Variants in PRR11 observed in about 807,000 individuals in gnomAD.
PRR11 encodes the protein proline rich 11.
PRR11 carries 30 observed loss-of-function variants against 45.6 expected under a neutral mutation model. The observed-to-expected ratio is 0.66, with a 90% CI of 0.49 to 0.89. PRR11 has a LOEUF of 0.89. Among genes scored for constraint, PRR11 ranks in the 40% least tolerant of loss-of-function variants. The probability of loss-of-function intolerance (pLI) is 0.00; values close to 1 mark genes in which losing one functional copy is unlikely to be tolerated. For missense variants in PRR11, 373 were observed against 424.8 expected (o/e 0.88, Z 1.07); for synonymous variants, 128 against 153.5 (o/e 0.83, Z 1.23).
chr17:59,158,742 A>G (rs1035932645), intron 1 of PRR11, among the ~76,000 whole-genome samples: 1 of 152,216 alleles, frequency 6.6e-6, no homozygotes, highest in Non-Finnish European at 1.5e-5. Context: ...AAATGAAAAA[A>G]GTGAAGGCAA....
At chr17:59,193,409 G>A (rs1298362535) in intron 4 of PRR11, 83 bp from the exon 5 acceptor site, 16 of 1,515,170 alleles carry the variant, frequency 1.1e-5, no homozygotes, top group Non-Finnish European at 1.5e-5. Context: ...TTCAATACAT[G>A]GTAGCTATTA....
At chr17:59,164,211 C>A (rs2046668018) in intron 1 of PRR11, among the ~76,000 whole-genome samples, 1 of 152,152 alleles carries the variant, frequency 6.6e-6, no homozygotes, top group Non-Finnish European at 1.5e-5. Flanking sequence ...CAGCAGAGAC[C>A]ATATGGCCTG....
chr17:59,188,232 C>T (rs954800650), intron 4 of PRR11, among the ~76,000 whole-genome samples: 11 of 152,262 alleles, frequency 7.2e-5, no homozygotes, highest in African/African-American at 2.6e-4. Flanking sequence ...GCAAAATAAA[C>T]TTCAATGAGT....
intron 2 of PRR11, chr17:59,179,950 C>G: frequency 8.1e-7 from 1 of 1,240,102 alleles, no homozygotes; most frequent in East Asian, 2.6e-5. Flanking sequence ...CCCAAAACGC[C>G]AAACCACTCT....
At chr17:59,173,526 G>A (rs1351353169) in intron 2 of PRR11, among the ~76,000 whole-genome samples, 1 of 151,730 alleles carries the variant, frequency 6.6e-6, no homozygotes, top group Non-Finnish European at 1.5e-5. Flanking sequence ...AACTCCAGAC[G>A]CCCTGCCTTA....
At chr17:59,184,623 G>A (rs1327448721) in intron 2 of PRR11, among the ~76,000 whole-genome samples, 1 of 152,140 alleles carries the variant, frequency 6.6e-6, no homozygotes, top group African/African-American at 2.4e-5. Flanking sequence ...TGCTTTTCTG[G>A]AGTTCAAATT....
chr17:59,194,261 C>T (rs962887468), intron 5 of PRR11, among the ~76,000 whole-genome samples: 4 of 120,896 alleles, frequency 3.3e-5, no homozygotes, highest in African/African-American at 1.6e-4. Flanking sequence ...AGAGTCTTCC[C>T]AATCCTCACA....
Position 59,206,291 on chromosome 17 carries a change from G to A in PRR11, c.*4660G>A, listed in dbSNP as rs968997274. ...TGAGGTGGAAGAATCACTTGAGCCC[G>A]GGAGGTTGAGGCTGCAGTGAGCTGT... On this transcript the variant is annotated 3_prime_UTR_variant, in exon 10 of 10. Coordinates refer to ENST00000262293, the MANE Select transcript of PRR11 (RefSeq NM_018304.4). 2.6e-5 allele frequency among the ~76,000 whole-genome samples: 4 copies of A among 152,030 alleles called. No individual in the cohort carries two copies. Among genetic ancestry groups the A allele is most frequent in the Non-Finnish European group, 5.9e-5 (4 of 67,996 alleles).
Position 59,194,766 on chromosome 17 carries a change from T to C in PRR11, c.655T>C (p.Leu219=), listed in dbSNP as rs990622687. ...SLAKALQAGP[L]KKDGPMQITV... ...TACCATGTATTTTAAGGCTGGACCA[T>C]TAAAAAAAGATGGACCCATGCAGAT... Residue 219 remains leucine, a synonymous_variant, in exon 6 of 10, where the codon TTA becomes CTA. Transcript: ENST00000262293. The C allele has an allele frequency of 6.2e-7, 1 of 1,612,288 alleles. No individual in the cohort carries two copies. The highest frequency in any genetic ancestry group is 8.5e-7 in the Non-Finnish European group (1 of 1,179,120).
chr17:59,161,227 C>G (rs1282221240), intron 1 of PRR11, among the ~76,000 whole-genome samples: 1 of 151,746 alleles, frequency 6.6e-6, no homozygotes, highest in Non-Finnish European at 1.5e-5. Context: ...GCCAACATGG[C>G]GAAACCCCAT....
At chr17:59,179,682 G>A (rs1471643305) in intron 2 of PRR11, 1 of 1,460,324 alleles carries the variant, frequency 6.8e-7, no homozygotes, top group African/African-American at 1.4e-5. Context: ...TGGTGCTCAG[G>A]GAGCACGGGT....
At chr17:59,198,895 T>C (rs984147428) in intron 9 of PRR11, among the ~76,000 whole-genome samples, 5 of 152,124 alleles carry the variant, frequency 3.3e-5, no homozygotes, top group Non-Finnish European at 7.4e-5. Flanking sequence ...AAATGTCTGA[T>C]TTTATTAATC....
At chr17:59,173,450 A>G (rs544266007) in intron 2 of PRR11, among the ~76,000 whole-genome samples, 8 of 152,286 alleles carry the variant, frequency 5.3e-5, no homozygotes, top group African/African-American at 1.9e-4. Flanking sequence ...TGTAACACTC[A>G]CCATGAAGGT....
Position 59,201,638 on chromosome 17 carries a change from C to T in PRR11, c.*7C>T. The T allele has an allele frequency of 3.1e-6, 5 of 1,612,700 alleles. No homozygotes were observed. Among genetic ancestry groups the T allele is most frequent in the South Asian group, 2.2e-5 (2 of 91,052 alleles). On this transcript the variant is annotated 3_prime_UTR_variant, in exon 10 of 10. Transcript: ENST00000262293. ...CTTTGATGAACAAAACTGATGCCAACTCTGCCTCACTCCATGAGATGATCC... is the reference window on the plus strand; with the variant it reads ...CTTTGATGAACAAAACTGATGCCAATTCTGCCTCACTCCATGAGATGATCC...
At chr17:59,187,833 C>G (rs1230656351) in intron 4 of PRR11, among the ~76,000 whole-genome samples, 2 of 150,544 alleles carry the variant, frequency 1.3e-5, no homozygotes, top group East Asian at 3.9e-4. Context: ...CCACTGCACT[C>G]CAGCCAGGGT....
chr17:59,168,375 G>A (rs1279535395), intron 1 of PRR11, among the ~76,000 whole-genome samples: 1 of 151,982 alleles, frequency 6.6e-6, no homozygotes, highest in African/African-American at 2.4e-5. Flanking sequence ...TTGCCATGTT[G>A]GCCAGGCTGG....
At chr17:59,194,076 T>G (rs1448543930) in intron 5 of PRR11, among the ~76,000 whole-genome samples, 1 of 151,908 alleles carries the variant, frequency 6.6e-6, no homozygotes, top group Non-Finnish European at 1.5e-5. Context: ...GAACAAAGAG[T>G]TAGTGGATTC....
intron 2 of PRR11, among the ~76,000 whole-genome samples, chr17:59,171,087 G>C (rs1288072218): frequency 6.6e-6 from 1 of 151,760 alleles, no homozygotes; most frequent in African/African-American, 2.4e-5. Context: ...GTGAAACCCC[G>C]TCTCTACTAA....
intron 1 of PRR11, among the ~76,000 whole-genome samples, chr17:59,159,575 G>A (rs1161396793): frequency 3.3e-5 from 5 of 152,134 alleles, no homozygotes; most frequent in Non-Finnish European, 5.9e-5. Context: ...GAAGAAATAC[G>A]AGCATGACAA....
Sources: gnomAD v4.1 joint callset for allele counts (sites outside exome capture counted in the v4.1 genomes callset) on GRCh38, gnomAD v4.1.1 for gene constraint, MANE v1.5 for transcripts, NCBI Gene and HGNC (gene_info 2026-07-23, HGNC 2026-07-21) for gene names.